The following TACC2 variants were observed in gnomAD, a reference collection of about 807,000 sequenced individuals.
The protein encoded by TACC2 is transforming acidic coiled-coil-containing protein 2.
TACC2 carries 137 observed loss-of-function variants against 227.3 expected under a neutral mutation model. That is an observed-to-expected ratio of 0.60 (90% CI 0.52 to 0.69). TACC2 has a LOEUF of 0.69. TACC2 is among the 30% of genes least tolerant of loss of function. The probability of loss-of-function intolerance (pLI) is 0.00; values close to 1 mark genes in which losing one functional copy is unlikely to be tolerated. For synonymous variants in TACC2, 1,523 were observed against 1,487.5 expected, an observed-to-expected ratio of 1.02 and a Z score of -0.55; for missense variants, 3,470 against 3,694.4, an observed-to-expected ratio of 0.94 and a Z score of 1.57.
intron 1 of TACC2, among the ~76,000 whole-genome samples, chr10:121,994,240 C>A (rs1231628302): frequency 6.6e-6 from 1 of 152,178 alleles, no homozygotes; most frequent in Non-Finnish European, 1.5e-5. Flanking sequence ...CTGGTGATGA[C>A]CTGTCCCTAT....
intron 5 of TACC2, among the ~76,000 whole-genome samples, chr10:122,129,273 G>T (rs1016301619): frequency 6.6e-6 from 1 of 151,770 alleles, no homozygotes; most frequent in African/African-American, 2.4e-5. Context: ...GGCCAGGCTC[G>T]TCTCGAACTC....
At chr10:122,203,977 G>A (rs1297438979) in intron 8 of TACC2, among the ~76,000 whole-genome samples, 7 of 151,540 alleles carry the variant, frequency 4.6e-5, no homozygotes, top group African/African-American at 7.3e-5. Flanking sequence ...CCAACACAGC[G>A]AAACCCTGTC....
At chr10:122,146,537 G>A (rs1442256838) in intron 7 of TACC2, among the ~76,000 whole-genome samples, 1 of 151,988 alleles carries the variant, frequency 6.6e-6, no homozygotes, top group East Asian at 1.9e-4. Context: ...TTTATAAGAA[G>A]AGGAAGAAAG....
intron 10 of TACC2, among the ~76,000 whole-genome samples, chr10:122,216,422 C>G (rs1359667025): frequency 6.7e-6 from 1 of 150,342 alleles, no homozygotes; most frequent in Non-Finnish European, 1.5e-5. Flanking sequence ...CTGAAACAAA[C>G]CATCATAAAA....
rs2092961655 is a variant in TACC2 at position 122,163,643 on chromosome 10, CCCGCACGCCCCGGGCAGAG to C, written c.5834+19942_5834+19960del. On this transcript the variant is annotated intron_variant, in intron 7 of 22. Coordinates refer to ENST00000369005, the MANE Select transcript of TACC2 (RefSeq NM_206862.4). The stretch of plus-strand genomic sequence containing the variant: ...GACCACACCGGCGCTCACGCTCATA[CCCGCACGCCCCGGGCAGAG>C]CCGCGCACGCCGGCCACACTCGGGC... The C allele has an allele frequency of 1.1e-5, 11 of 1,031,566 alleles. No homozygotes were observed. The South Asian group carries it at 4.1e-4, about 39-fold the overall frequency. The allele number at this position is 1,031,566 out of a possible 1,614,324, so 63.9% of individuals were successfully genotyped here.
At chr10:122,244,560 C>T (rs773542035) in intron 19 of TACC2, among the ~76,000 whole-genome samples, 33 of 152,192 alleles carry the variant, frequency 2.2e-4, no homozygotes, top group Non-Finnish European at 4.1e-4. Flanking sequence ...TGGCTCTTGG[C>T]AGGACGTGCC....
At position 122,136,247 on chromosome 10, in the gene TACC2, C is replaced by T. The variant is rs76139619; in HGVS notation, c.5699+3513C>T. On this transcript the variant is annotated intron_variant, in intron 6 of 22. Coordinates refer to ENST00000369005, the MANE Select transcript of TACC2 (RefSeq NM_206862.4). The stretch of plus-strand genomic sequence containing the variant: ...CATTCCTGTGAATAGCAAGAATCAA[C>T]AGCACTTCACCTTGCCCATCTGCTG... Among the ~76,000 whole-genome samples the T allele has an allele frequency of 1.9e-3, 295 of 152,196 alleles. 1 individual carries two copies. The highest frequency in any genetic ancestry group is 6.9e-3 in the African/African-American group (287 of 41,492).
At chr10:122,230,530 C>G in intron 16 of TACC2, 90 bp downstream of exon 16, 1 of 1,162,114 alleles carries the variant, frequency 8.6e-7, no homozygotes, top group Non-Finnish European at 1.3e-6. Context: ...ATCCGCCAGG[C>G]GGGCATCATC....
At chr10:122,175,744 C>T (rs754686721) in intron 7 of TACC2, among the ~76,000 whole-genome samples, 1 of 152,128 alleles carries the variant, frequency 6.6e-6, no homozygotes, top group African/African-American at 2.4e-5. Context: ...TTCTCACTAT[C>T]CAGAGATAAT....
Position 122,249,123 on chromosome 10 carries a change from C to A in TACC2, c.8627C>A (p.Ala2876Asp). 6.2e-7 allele frequency: 1 copy of A among 1,612,870 alleles called. No individual in the cohort carries two copies. The highest frequency in any genetic ancestry group is 1.6e-4 in the Middle Eastern group (1 of 6,062). ...AAGAAGGAGGAGCAGAGGTACCAGG[C>A]CCTGAAGGTGCACGCGGAGGAGAAA... is the stretch of plus-strand genomic sequence containing the variant. ...RVKKEEQRYQALKVHAEEKLD... is the reference protein window; with the variant it reads ...RVKKEEQRYQDLKVHAEEKLD... Residue 2876 changes from alanine to aspartate, a missense_variant, in exon 21 of 23, where the codon GCC (alanine) becomes GAC (aspartate). Around this residue, in one of 10 missense-constraint regions of TACC2, gnomAD observed 89 missense variants for 91.4 expected, o/e 0.97. Transcript: ENST00000369005.
chr10:122,163,436 C>T, intron 7 of TACC2: 2 of 417,136 alleles, frequency 4.8e-6, no homozygotes. Flanking sequence ...GCGGGCGGTC[C>T]CGGCGAGGCG....
chr10:122,165,478 T>G (rs968222916), intron 7 of TACC2, among the ~76,000 whole-genome samples: 1 of 152,176 alleles, frequency 6.6e-6, no homozygotes, highest in Non-Finnish European at 1.5e-5. Context: ...CTTTTTCAGC[T>G]GAGTTAATAA....
chr10:122,156,368 C>T (rs1276967548), intron 7 of TACC2, among the ~76,000 whole-genome samples: 2 of 151,056 alleles, frequency 1.3e-5, no homozygotes, highest in Non-Finnish European at 2.9e-5. Context: ...GGACAACAGG[C>T]ACTCGCCACC....
rs2093920892 is a variant in TACC2 at position 122,180,187 on chromosome 10, G to C, written c.5835-14853G>C. Among the ~76,000 whole-genome samples the C allele has an allele frequency of 1.3e-5, 2 of 152,120 alleles. No individual in the cohort carries two copies. Among genetic ancestry groups the C allele is most frequent in the Admixed American group, 6.5e-5 (1 of 15,268 alleles). On this transcript the variant is annotated intron_variant, in intron 7 of 22. Coordinates refer to ENST00000369005, the MANE Select transcript of TACC2 (RefSeq NM_206862.4). This position sits in a 1 kb window ranked among gnomAD's most constrained non-coding sequence, Gnocchi z 4.5. ...TCATTGTCATTGTTACCTGCTTCTT[G>C]GGTCTCCTGGCAAACTTTCTCCTCG...
At chr10:122,160,713 CCATAG>C (rs1241969619) in intron 7 of TACC2, among the ~76,000 whole-genome samples, 2 of 152,110 alleles carry the variant, frequency 1.3e-5, no homozygotes, top group African/African-American at 4.8e-5. Context: ...AGCATTCAGT[CCATAG>C]CACAGCCCTT....
Position 122,176,101 on chromosome 10 carries a change from CTCTCTCTCTCTCTCTCTATATATA to C in TACC2, c.5835-18937_5835-18914del, listed in dbSNP as rs1271980622. ...TCTCTCTCTCTCTCTCTCTCTCTCTCTCTCTCTCTCTCTCTCTATATATATATATATATATATATATATATGAAG... is the reference window on the plus strand; with the variant it reads ...TCTCTCTCTCTCTCTCTCTCTCTCTCTATATATATATATATATATATGAAG... On this transcript the variant is annotated intron_variant, in intron 7 of 22. Transcript: ENST00000369005. 5.8e-3 allele frequency among the ~76,000 whole-genome samples: 487 copies of C among 84,100 alleles called. 1 individual carries two copies. The highest frequency in any genetic ancestry group is 0.022 in the Middle Eastern group (4 of 178). 55.2% of individuals were successfully genotyped at this position (84,100 alleles called of 152,430 possible). A position where few individuals can be genotyped will look rare whatever the true frequency, so the allele number is the denominator to read the frequency against.
At chr10:122,178,713 G>A (rs141546358) in intron 7 of TACC2, among the ~76,000 whole-genome samples, 1,534 of 152,170 alleles carry the variant, frequency 0.01, 25 homozygotes, top group African/African-American at 0.035. Context: ...GTGAAACCTC[G>A]TCTCTACTAA....
chr10:122,213,397 T>A, intron 9 of TACC2: 2 of 1,611,598 alleles, frequency 1.2e-6, no homozygotes, highest in Non-Finnish European at 1.7e-6. Context: ...TTTAATGCAA[T>A]CTGCCTCTTA....
chr10:122,212,969 C>G (rs1226959119), intron 9 of TACC2, among the ~76,000 whole-genome samples: 1 of 152,206 alleles, frequency 6.6e-6, no homozygotes, highest in Non-Finnish European at 1.5e-5. Flanking sequence ...CAACCTTAGC[C>G]GCCACCTCTT....
Sources: allele counts gnomAD v4.1 joint callset (sites outside exome capture counted in the v4.1 genomes callset), GRCh38; gene constraint gnomAD v4.1.1; regional missense constraint gnomAD v4.1.1; non-coding constraint Gnocchi (gnomAD v3.1); transcripts MANE v1.5; gene names NCBI Gene and HGNC (gene_info 2026-07-23, HGNC 2026-07-21).